The following LGI3 variants were observed in gnomAD, a reference collection of about 807,000 sequenced individuals.
LGI3 encodes leucine-rich repeat LGI family member 3.
LGI3 carries 47 observed loss-of-function variants against 55.4 expected under a neutral mutation model. That is an observed-to-expected ratio of 0.85 (90% confidence interval 0.67 to 1.08). The LOEUF is 1.08. Ranked by LOEUF, LGI3 falls within the 50% of genes least tolerant of loss-of-function variation. The pLI is 0.00. For missense variants in LGI3, 664 were observed against 726.3 expected (o/e 0.91, Z 0.99); for synonymous variants, 326 against 315.0 (o/e 1.04, Z -0.37).
rs773928888 is a variant in LGI3 at position 22,148,729 on chromosome 8, G to A, written c.1078C>T (p.His360Tyr). 1.2e-6 allele frequency: 2 copies of A among 1,614,186 alleles called. No homozygotes were observed. The highest frequency in any genetic ancestry group is 1.7e-6 in the Non-Finnish European group (2 of 1,180,034). The change falls in exon 8 of 8, where the codon CAC becomes TAC. Residue 360 changes from histidine to tyrosine, a missense_variant. His to Tyr is a moderately conservative substitution (Grantham distance 83, BLOSUM62 2). Coordinates refer to ENST00000306317, the MANE Select transcript of LGI3 (RefSeq NM_139278.4). The surrounding 1 kb of genome is among the most constrained non-coding windows in gnomAD (Gnocchi z 7.0). ...KAGATSLYRW[H>Y]QNGFYSHQAL... ...TGGTGGGAGTAGAAGCCATTCTGGT[G>A]CCAGCGGTAGAGGCTGGTGGCGCCT...
chr8:22,148,388 G>T lies in LGI3; in HGVS notation c.1419C>A (p.Phe473Leu), dbSNP rs1295209578. ...CCAGGTAGCGGCGGCCACCCACAAG[G>T]AAGGGCTGCAGGGCCAGCGAGCCCC... is the stretch of plus-strand genomic sequence containing the variant. The part of the protein sequence containing the change: ...PSRGSLALQP[F>L]LVGGRRYLAL... The change falls in exon 8 of 8, where the codon TTC (phenylalanine) becomes TTA (leucine). Residue 473 changes from phenylalanine to leucine, a missense_variant. Coordinates refer to ENST00000306317, the MANE Select transcript of LGI3 (RefSeq NM_139278.4). This position sits in a 1 kb window ranked among gnomAD's most constrained non-coding sequence, Gnocchi z 7.0. 3 of 1,613,414 alleles carry T rather than the reference G, an allele frequency of 1.9e-6. No homozygotes were observed. The South Asian group carries it at 3.3e-5, about 18-fold the overall frequency.
rs138152858 is a variant in LGI3 at position 22,151,903 on chromosome 8, C to T, written c.592G>A (p.Ala198Thr). ...TGCTCCTGGAAGCGGGGCGGGCTGG[C>T]GCAGTAGATGGGTGCCACCGTGGTG... ...TNTTVAPIYC[A>T]SPPRFQEHKV... is the part of the protein sequence containing the mutation. Residue 198 changes from alanine (A) to threonine (T), a missense_variant, in exon 6 of 8, where the codon GCC (alanine) becomes ACC (threonine). By Grantham distance (58) the Ala-to-Thr change is moderately conservative. Coordinates refer to ENST00000306317, the MANE Select transcript of LGI3 (RefSeq NM_139278.4). 15 of 1,613,216 alleles carry T rather than the reference C, an allele frequency of 9.3e-6. 1 individual carries two copies. The highest frequency in any genetic ancestry group is 8.0e-5 in the African/African-American group (6 of 75,024).
At chr8:22,153,412 C>G (rs1188059416) in intron 5 of LGI3, among the ~76,000 whole-genome samples, 2 of 150,696 alleles carry the variant, frequency 1.3e-5, no homozygotes, top group African/African-American at 4.9e-5. Context: ...GGTGGCTCAG[C>G]ACATTTTTGG....
rs1563209681 is a variant in LGI3, at chr8:22,151,516, G to A, written c.802C>T (p.Gln268Ter). The change falls in exon 7 of 8, where the codon CAG becomes TAG. Residue 268 changes from glutamine to a stop codon, truncating the protein, a stop_gained. Transcript: ENST00000306317. LOFTEE classifies it high-confidence loss of function. Reference sequence around the variant, plus strand: ...GGGATTCTATCATAGTCTCGAAGCTGCCGCTCAACATAGTCCCACTTCAGG... The same window carrying A: ...GGGATTCTATCATAGTCTCGAAGCTACCGCTCAACATAGTCCCACTTCAGG... ...TILKWDYVER[Q>*]LRDYDRIPAP... 1.2e-6 allele frequency: 2 copies of A among 1,614,066 alleles called. No homozygotes were observed. Among genetic ancestry groups the A allele is most frequent in the Non-Finnish European group, 1.7e-6 (2 of 1,179,992 alleles).
At chr8:22,151,427 G>T in intron 7 of LGI3, 62 bp downstream of exon 7, 2 of 1,513,888 alleles carry the variant, frequency 1.3e-6, no homozygotes, top group Non-Finnish European at 9.1e-7. Context: ...GGGGTTGAAC[G>T]ATGGAGCCCA....
chr8:22,153,063 T>A (rs866266267), intron 5 of LGI3, among the ~76,000 whole-genome samples: 6,721 of 140,472 alleles, frequency 0.048, 487 homozygotes, highest in African/African-American at 0.16. Flanking sequence ...AAAAAAAAAA[T>A]TTTTTAAAGT....
intron 2 of LGI3, 141 bp downstream of exon 2, chr8:22,155,251 C>T: frequency 1.3e-6 from 1 of 780,838 alleles, no homozygotes; most frequent in Non-Finnish European, 2.2e-6. Flanking sequence ...TGGGTACATC[C>T]TATCAGAACA....
chr8:22,152,405 C>T (rs1827391409), intron 5 of LGI3, among the ~76,000 whole-genome samples: 1 of 152,304 alleles, frequency 6.6e-6, no homozygotes, highest in African/African-American at 2.4e-5. Flanking sequence ...TCAAAATCCC[C>T]TCCCGCTGAT....
At chr8:22,154,919 C>T (rs2131797233) in intron 2 of LGI3, 2 of 491,448 alleles carry the variant, frequency 4.1e-6, no homozygotes, top group Non-Finnish European at 7.4e-6. Context: ...TCCCTCTCCC[C>T]CACCCTCATT....
At chr8:22,155,026 C>G (rs73549549) in intron 2 of LGI3, 329 of 405,688 alleles carry the variant, frequency 8.1e-4, no homozygotes, top group African/African-American at 6.1e-3. Context: ...CAGCCCCCAG[C>G]TCTTTCTGGG....
In LGI3 at chr8:22,147,091, A is replaced by C. The variant is rs1340387876; in HGVS notation, c.*1069T>G. 3 of 152,282 alleles carry C rather than the reference A, an allele frequency of 2.0e-5. No homozygotes were observed. The highest frequency in any genetic ancestry group is 7.2e-5 in the African/African-American group (3 of 41,464). The allele number at this position is 152,282 out of a possible 1,614,324, so 9.4% of individuals were successfully genotyped here. On this transcript the variant is annotated 3_prime_UTR_variant, in exon 8 of 8. Coordinates refer to ENST00000306317, the MANE Select transcript of LGI3 (RefSeq NM_139278.4). ...GGGGCCAGGGCTGCAACACGCCCTCAGGCCAAGCTCCACTCTGGGCACCCT... is the reference window on the plus strand; with the variant it reads ...GGGGCCAGGGCTGCAACACGCCCTCCGGCCAAGCTCCACTCTGGGCACCCT...
At chr8:22,155,541 G>T in intron 1 of LGI3, 78 bp from the exon 2 acceptor site, 1 of 1,173,612 alleles carries the variant, frequency 8.5e-7, no homozygotes, top group Non-Finnish European at 1.3e-6. Context: ...ACGGAGGGCA[G>T]TAGCTTTTGT....
rs145000513 is a variant in LGI3 at position 22,148,437 on chromosome 8, G to A, written c.1370C>T (p.Ser457Leu). The A allele has an allele frequency of 1.0e-4, 162 of 1,612,126 alleles. No individual in the cohort carries two copies. The highest frequency in any genetic ancestry group is 1.2e-4 in the Non-Finnish European group (138 of 1,179,934). The change falls in exon 8 of 8, where the codon TCG becomes TTG. Residue 457 changes from serine to leucine, a missense_variant. Ser to Leu is a moderately radical substitution (Grantham distance 145, BLOSUM62 -2). Transcript: ENST00000306317. The surrounding 1 kb of genome is among the most constrained non-coding windows in gnomAD (Gnocchi z 7.0). The stretch of plus-strand genomic sequence containing the variant: ...CCGGGAGGGCAGGGCCTGCACCTCC[G>A]AGAAGCGGGTACCCTCCCAGCGCAG... The part of the protein sequence containing the change: ...KILRWEGTRF[S>L]EVQALPSRGS...
In LGI3 at chr8:22,153,999, T is replaced by G; in HGVS notation, c.463A>C (p.Ile155Leu). Residue 155 changes from isoleucine (I) to leucine (L), a missense_variant, in exon 5 of 8, where the codon ATC becomes CTC. Ile to Leu is a conservative substitution (Grantham distance 5, BLOSUM62 2). Coordinates refer to ENST00000306317, the MANE Select transcript of LGI3 (RefSeq NM_139278.4). ...NNNLQTLPRD[I>L]FRPLDILNDL... The stretch of plus-strand genomic sequence containing the variant: ...TTCAGGATGTCCAGGGGCCGGAAGA[T>G]GTCTCTGGGCAGTGTCTGCAGGTTA... The G allele has an allele frequency of 6.2e-7, 1 of 1,614,194 alleles. No homozygotes were observed. The highest frequency in any genetic ancestry group is 8.5e-7 in the Non-Finnish European group (1 of 1,180,036).
intron 7 of LGI3, among the ~76,000 whole-genome samples, chr8:22,149,903 T>A (rs1470468812): frequency 6.6e-6 from 1 of 152,136 alleles, no homozygotes; most frequent in Non-Finnish European, 1.5e-5. Context: ...TGATCTTCCC[T>A]CAGACTCTCC....
At chr8:22,154,518 C>T (rs1338146244) in intron 3 of LGI3, 42 bp downstream of exon 3, 2 of 1,577,302 alleles carry the variant, frequency 1.3e-6, no homozygotes, top group East Asian at 2.2e-5. Flanking sequence ...CTGGGGTCCC[C>T]CTCCCTTCTG....
rs746888946 is a variant in LGI3 at position 22,148,459 on chromosome 8, G to A, written c.1348C>T (p.Arg450Cys). ...TCCGAGAAGCGGGTACCCTCCCAGC[G>A]CAGGATCTTGGAGTCGCCAATGTAG... ...SRYIGDSKIL[R>C]WEGTRFSEVQ... Residue 450 changes from arginine to cysteine, a missense_variant, in exon 8 of 8, where the codon CGC becomes TGC. By Grantham distance (180) the Arg-to-Cys change is radical. Coordinates refer to ENST00000306317, the MANE Select transcript of LGI3 (RefSeq NM_139278.4). The surrounding 1 kb of genome is among the most constrained non-coding windows in gnomAD (Gnocchi z 7.0). 6 of 1,612,170 alleles carry A rather than the reference G, an allele frequency of 3.7e-6. No homozygotes were observed. Among genetic ancestry groups the A allele is most frequent in the African/African-American group, 2.7e-5 (2 of 74,896 alleles).
At chr8:22,150,967 C>T (rs7838257) in intron 7 of LGI3, among the ~76,000 whole-genome samples, 31,473 of 151,902 alleles carry the variant, frequency 0.21, 3,812 homozygotes, top group African/African-American at 0.34. Context: ...TACTAAGTTA[C>T]TGCACACCTC....
intron 7 of LGI3, 101 bp downstream of exon 7, chr8:22,151,388 A>T: frequency 8.8e-7 from 1 of 1,140,918 alleles, no homozygotes; most frequent in Non-Finnish European, 1.3e-6. Flanking sequence ...GGTATGTCTC[A>T]TCTATCCCTC....
Sources: gnomAD v4.1 joint callset for allele counts (sites outside exome capture counted in the v4.1 genomes callset) on GRCh38, gnomAD v4.1.1 for gene constraint, Gnocchi (gnomAD v3.1) non-coding constraint, MANE v1.5 for transcripts, NCBI Gene and HGNC (gene_info 2026-07-23, HGNC 2026-07-21) for gene names.